Variants in ANO3 observed in about 807,000 individuals in gnomAD.
ANO3 encodes anoctamin-3.
ANO3 carries 99 observed loss-of-function variants against 144.8 expected under a neutral mutation model. The observed-to-expected ratio is 0.68, with a 90% CI of 0.58 to 0.81. The LOEUF is 0.81. ANO3 is among the 30% of genes least tolerant of loss of function. The pLI, the probability that ANO3 is intolerant of heterozygous loss-of-function variation, is 0.00. For synonymous variants in ANO3, 414 were observed against 392.6 expected, an observed-to-expected ratio of 1.05 and a Z score of -0.64; for missense variants, 905 against 1,202.2, an observed-to-expected ratio of 0.75 and a Z score of 3.66.
At chr11:26,214,376 G>A (rs1465788775) in intron 1 of ANO3, among the ~76,000 whole-genome samples, 1 of 151,852 alleles carries the variant, frequency 6.6e-6, no homozygotes, top group Non-Finnish European at 1.5e-5. Context: ...GTTTTCCAAT[G>A]GAGAACTGTT....
intron 1 of ANO3, among the ~76,000 whole-genome samples, chr11:26,241,887 C>T (rs913455031): frequency 1.8e-4 from 27 of 152,150 alleles, no homozygotes; most frequent in Non-Finnish European, 3.4e-4. Flanking sequence ...TTTAATTACT[C>T]TGCTAAAATC....
intron 14 of ANO3, among the ~76,000 whole-genome samples, chr11:26,568,878 T>C (rs554506942): frequency 6.6e-6 from 1 of 152,222 alleles, no homozygotes; most frequent in Admixed American, 6.6e-5. Context: ...CTTTTCATTA[T>C]CTACGGCATG....
At chr11:26,198,880 T>C (rs1049302524) in intron 1 of ANO3, among the ~76,000 whole-genome samples, 1 of 152,200 alleles carries the variant, frequency 6.6e-6, no homozygotes, top group Non-Finnish European at 1.5e-5. Context: ...TTGACACTTC[T>C]GTCACTTGCA....
At chr11:26,438,424 A>G (rs1346259263) in intron 1 of ANO3, among the ~76,000 whole-genome samples, 1 of 151,826 alleles carries the variant, frequency 6.6e-6, no homozygotes, top group Non-Finnish European at 1.5e-5. Flanking sequence ...CCCCAAAGTG[A>G]TTATAGATTC....
Position 26,625,527 on chromosome 11 carries a change from G to A in ANO3, c.1873+1029G>A, listed in dbSNP as rs545617097. Among the ~76,000 whole-genome samples the A allele has an allele frequency of 5.9e-5, 9 of 152,004 alleles. No individual in the cohort carries two copies. The South Asian group carries it at 6.3e-4, about 11-fold the overall frequency. On this transcript the variant is annotated intron_variant, in intron 18 of 26. Coordinates refer to ENST00000256737, the MANE Select transcript of ANO3 (RefSeq NM_031418.4). ...TCTCTATAACTATTTTCATACCTAC[G>A]GCATGGTATATTCTATAATTGTGTA...
intron 4 of ANO3, among the ~76,000 whole-genome samples, chr11:26,502,690 C>T (rs949485969): frequency 2.0e-5 from 3 of 151,976 alleles, no homozygotes; most frequent in Non-Finnish European, 4.4e-5. Flanking sequence ...TCTATTAATG[C>T]GCAAAATAGA....
intron 1 of ANO3, among the ~76,000 whole-genome samples, chr11:26,210,743 A>G (rs575386631): frequency 7.2e-5 from 11 of 151,854 alleles, no homozygotes; most frequent in Non-Finnish European, 2.9e-5. Context: ...CTCTTGTAGC[A>G]ATTGTAAATG....
intron 1 of ANO3, among the ~76,000 whole-genome samples, chr11:26,342,917 A>G (rs909071352): frequency 1.3e-5 from 2 of 152,222 alleles, no homozygotes; most frequent in Admixed American, 1.3e-4. Context: ...GTTTTGACAT[A>G]CACATACTTT....
intron 1 of ANO3, among the ~76,000 whole-genome samples, chr11:26,257,677 C>T (rs1853091269): frequency 2.0e-5 from 3 of 152,162 alleles, no homozygotes; most frequent in East Asian, 1.9e-4. Context: ...ACTGATTATA[C>T]CTGAAGAATT....
Position 26,598,929 on chromosome 11 carries a change from T to A in ANO3, c.1602T>A (p.Pro534=), listed in dbSNP as rs769448024. 60 of 1,613,908 alleles carry A rather than the reference T, an allele frequency of 3.7e-5. No homozygotes were observed. Among genetic ancestry groups the A allele is most frequent in the Non-Finnish European group, 4.7e-5 (55 of 1,179,950 alleles). ...TTGTAAATCCCATCACGGGAAAACC[T>A]GAACCACATCAGCCTTCCTCAGACA... ...MEIVNPITGK[P]EPHQPSSDKV... The change falls in exon 16 of 27, where the codon CCT becomes CCA. Residue 534 remains proline, a synonymous_variant. Coordinates refer to ENST00000256737, the MANE Select transcript of ANO3 (RefSeq NM_031418.4).
At chr11:26,423,550 AT>A (rs201487626) in intron 1 of ANO3, among the ~76,000 whole-genome samples, 8 of 151,746 alleles carry the variant, frequency 5.3e-5, no homozygotes, top group East Asian at 3.9e-4. Context: ...ATTCATATCA[AT>A]TTTTTTTAAA....
chr11:26,629,163 A>G (rs1244375470), intron 18 of ANO3, among the ~76,000 whole-genome samples: 1 of 152,114 alleles, frequency 6.6e-6, no homozygotes, highest in Non-Finnish European at 1.5e-5. Flanking sequence ...TCTGCTGGGA[A>G]CATTGTAATC....
chr11:26,529,081 C>G (rs1381500740), intron 7 of ANO3, among the ~76,000 whole-genome samples: 1 of 108,474 alleles, frequency 9.2e-6, no homozygotes, highest in East Asian at 2.3e-4. Context: ...TTATACATGG[C>G]AATTATAATT....
intron 11 of ANO3, 105 bp from the exon 12 acceptor site, chr11:26,547,311 G>T: frequency 8.8e-7 from 1 of 1,141,008 alleles, no homozygotes. Flanking sequence ...GGAACTGAGT[G>T]TAGCTTCAAG....
At chr11:26,590,416 T>C (rs1409548732) in intron 14 of ANO3, among the ~76,000 whole-genome samples, 3 of 152,186 alleles carry the variant, frequency 2.0e-5, no homozygotes, top group Admixed American at 6.5e-5. Flanking sequence ...TACAAAGCAG[T>C]TGGGCTTATC....
At chr11:26,517,223 A>G (rs761698009) in intron 6 of ANO3, among the ~76,000 whole-genome samples, 9 of 151,962 alleles carry the variant, frequency 5.9e-5, no homozygotes, top group South Asian at 4.1e-4. Flanking sequence ...TCCTTATTTC[A>G]TATGGGTGGG....
chr11:26,350,301 C>A (rs947148898), intron 1 of ANO3, among the ~76,000 whole-genome samples: 3 of 152,112 alleles, frequency 2.0e-5, no homozygotes, highest in African/African-American at 7.2e-5. Flanking sequence ...CAAGTATGGG[C>A]TTGCTGGGCT....
chr11:26,528,144 G>A (rs1447774359), intron 7 of ANO3, among the ~76,000 whole-genome samples: 1 of 152,124 alleles, frequency 6.6e-6, no homozygotes, highest in Non-Finnish European at 1.5e-5. Flanking sequence ...CTGGTGGCAT[G>A]GTGATGGTAC....
At chr11:26,336,754 T>C (rs1049186368) in intron 1 of ANO3, among the ~76,000 whole-genome samples, 1 of 150,746 alleles carries the variant, frequency 6.6e-6, no homozygotes, top group Non-Finnish European at 1.5e-5. Flanking sequence ...AAAAAAAAAC[T>C]GGAGCCATTT....
Sources: gnomAD v4.1 joint callset for allele counts (sites outside exome capture counted in the v4.1 genomes callset) on GRCh38, gnomAD v4.1.1 for gene constraint, MANE v1.5 for transcripts, NCBI Gene and HGNC (gene_info 2026-07-23, HGNC 2026-07-21) for gene names.